ROBO1: variants seen among roughly 807,000 people sequenced by gnomAD.
The protein encoded by ROBO1 is roundabout guidance receptor 1.
Under a neutral mutation model 195.9 loss-of-function variants are expected in ROBO1, and 149 were observed. The ratio of observed to expected loss-of-function variants is 0.76; its 90% confidence interval spans 0.67 to 0.87. The LOEUF (loss-of-function observed/expected upper bound fraction) is 0.87, where lower values mean the gene tolerates loss of function less well. Among genes scored for constraint, ROBO1 ranks in the 40% least tolerant of loss-of-function variants. The probability of loss-of-function intolerance (pLI) is 0.00; values close to 1 mark genes in which losing one functional copy is unlikely to be tolerated. For synonymous variants in ROBO1, 816 were observed against 733.2 expected, an observed-to-expected ratio of 1.11 and a Z score of -1.82; for missense variants, 1,933 against 2,068.3, an observed-to-expected ratio of 0.93 and a Z score of 1.27.
chr3:78,784,220 T>G (rs2083763804), intron 4 of ROBO1, among the ~76,000 whole-genome samples: 1 of 152,126 alleles, frequency 6.6e-6, no homozygotes, highest in Admixed American at 6.6e-5. Context: ...ACAAACTACC[T>G]TCTAAATACT....
At chr3:79,713,669 A>G (rs1702366582) in intron 1 of ROBO1, among the ~76,000 whole-genome samples, 1 of 152,164 alleles carries the variant, frequency 6.6e-6, no homozygotes, top group Non-Finnish European at 1.5e-5. Flanking sequence ...GTCCTTGCCC[A>G]TGCCTATGTC....
At chr3:79,234,896 A>T (rs1485258955) in intron 2 of ROBO1, among the ~76,000 whole-genome samples, 1 of 152,152 alleles carries the variant, frequency 6.6e-6, no homozygotes, top group African/African-American at 2.4e-5. Context: ...GAGTGACAGG[A>T]TCAATCATAC....
chr3:79,450,320 C>G (rs923605834), intron 2 of ROBO1, among the ~76,000 whole-genome samples: 2 of 112,314 alleles, frequency 1.8e-5, no homozygotes, highest in African/African-American at 7.2e-5. Flanking sequence ...CAGAGACAGA[C>G]AGACAGGGTG....
At chr3:78,675,198 G>C (rs569468890) in intron 10 of ROBO1, among the ~76,000 whole-genome samples, 2 of 151,086 alleles carry the variant, frequency 1.3e-5, no homozygotes, top group Non-Finnish European at 2.9e-5. Flanking sequence ...CAAGATGGCC[G>C]AATAGGAACA....
intron 2 of ROBO1, among the ~76,000 whole-genome samples, chr3:79,367,928 T>C (rs2036037641): frequency 6.6e-6 from 1 of 152,102 alleles, no homozygotes; most frequent in Non-Finnish European, 1.5e-5. Context: ...GATGAATGAA[T>C]AATAGGTAGG....
intron 4 of ROBO1, among the ~76,000 whole-genome samples, chr3:78,760,904 ATG>A (rs992743578): frequency 6.6e-6 from 1 of 151,910 alleles, no homozygotes; most frequent in Non-Finnish European, 1.5e-5. Flanking sequence ...AGCCTCCCAT[ATG>A]TGTTTTCTTT....
intron 1 of ROBO1, among the ~76,000 whole-genome samples, chr3:79,765,228 G>A (rs1704919585): frequency 6.6e-6 from 1 of 152,164 alleles, no homozygotes; most frequent in East Asian, 1.9e-4. Flanking sequence ...AAAGGCTAAA[G>A]GAAGTCCAAA....
chr3:79,540,317 A>T (rs1451652444), intron 2 of ROBO1, among the ~76,000 whole-genome samples: 1 of 152,102 alleles, frequency 6.6e-6, no homozygotes, highest in East Asian at 1.9e-4. Flanking sequence ...GGTTGTCCAA[A>T]GACTGTCTTG....
At chr3:78,772,287 A>C (rs531595137) in intron 4 of ROBO1, among the ~76,000 whole-genome samples, 1 of 152,188 alleles carries the variant, frequency 6.6e-6, no homozygotes, top group South Asian at 2.1e-4. Flanking sequence ...ATATTTAACA[A>C]ACACATTTGA....
chr3:79,480,360 A>G (rs1484813381), intron 2 of ROBO1, among the ~76,000 whole-genome samples: 2 of 152,160 alleles, frequency 1.3e-5, no homozygotes, highest in South Asian at 2.1e-4. Context: ...TTTAACATTT[A>G]TATTACTATT....
At chr3:79,293,681 A>T (rs1269701092) in intron 2 of ROBO1, among the ~76,000 whole-genome samples, 1 of 152,168 alleles carries the variant, frequency 6.6e-6, no homozygotes, top group African/African-American at 2.4e-5. Context: ...CAATATCGTG[A>T]AAATGGCCAT....
intron 2 of ROBO1, among the ~76,000 whole-genome samples, chr3:79,503,284 C>T (rs1161680654): frequency 1.3e-5 from 2 of 152,142 alleles, no homozygotes; most frequent in Non-Finnish European, 2.9e-5. Flanking sequence ...ACTCCTGAGC[C>T]AGGAAGATCA....
At chr3:79,021,251 A>G (rs967136902) in intron 3 of ROBO1, among the ~76,000 whole-genome samples, 5 of 152,220 alleles carry the variant, frequency 3.3e-5, no homozygotes, top group African/African-American at 1.2e-4. Flanking sequence ...ATATTTAGTG[A>G]AAAACATAGA....
intron 1 of ROBO1, among the ~76,000 whole-genome samples, chr3:79,728,697 T>C (rs769079123): frequency 4.6e-5 from 7 of 152,180 alleles, no homozygotes; most frequent in African/African-American, 7.2e-5. Context: ...CTCTGGTTAA[T>C]TTTCAATAGC....
intron 3 of ROBO1, among the ~76,000 whole-genome samples, chr3:79,073,840 A>C (rs1022626053): frequency 3.3e-5 from 5 of 151,344 alleles, no homozygotes; most frequent in Non-Finnish European, 5.9e-5. Context: ...CCCTGGTTGG[A>C]ACCTTGATTA....
intron 4 of ROBO1, among the ~76,000 whole-genome samples, chr3:78,767,340 AC>A (rs1204588230): frequency 6.6e-6 from 1 of 151,820 alleles, no homozygotes; most frequent in Non-Finnish European, 1.5e-5. Context: ...ATTTTGGCTC[AC>A]TGCAACCTCC....
chr3:78,951,735 T>G (rs911158929), intron 3 of ROBO1, among the ~76,000 whole-genome samples: 4 of 152,076 alleles, frequency 2.6e-5, no homozygotes, highest in African/African-American at 9.7e-5. Context: ...GACTGAAATA[T>G]CTAAATATTT....
chr3:78,818,892 A>C (rs1375057494), intron 4 of ROBO1, among the ~76,000 whole-genome samples: 1 of 152,060 alleles, frequency 6.6e-6, no homozygotes, highest in African/African-American at 2.4e-5. Flanking sequence ...CATTTGCATA[A>C]ATTTTATTGT....
At chr3:79,402,607 G>A (rs1575777432) in intron 2 of ROBO1, among the ~76,000 whole-genome samples, 1 of 151,910 alleles carries the variant, frequency 6.6e-6, no homozygotes, top group East Asian at 1.9e-4. Flanking sequence ...ATTTGTGTGA[G>A]AGAACATATT....
Sources: allele counts gnomAD v4.1 joint callset (sites outside exome capture counted in the v4.1 genomes callset), GRCh38; gene constraint gnomAD v4.1.1; transcripts MANE v1.5; gene names NCBI Gene and HGNC (gene_info 2026-07-23, HGNC 2026-07-21).